The following NNT variants were observed in gnomAD, a reference collection of about 807,000 sequenced individuals.
NNT encodes the protein nicotinamide nucleotide transhydrogenase, also known as NAD(P) transhydrogenase, mitochondrial.
A neutral mutation model predicts 104.8 loss-of-function variants in NNT; 50 were observed. The observed-to-expected ratio is 0.48, with a 90% CI of 0.38 to 0.60. The LOEUF (loss-of-function observed/expected upper bound fraction) is 0.60, where lower values mean the gene tolerates loss of function less well. Ranked by LOEUF, NNT falls within the 20% of genes least tolerant of loss-of-function variation. NNT has a pLI of 0.00. For missense variants in NNT, 1,131 were observed against 1,330.7 expected (o/e 0.85, Z 2.33); for synonymous variants, 461 against 490.4 (o/e 0.94, Z 0.79).
In NNT at chr5:43,630,576, T is replaced by C. The variant is rs559768541; in HGVS notation, c.964+2189T>C. 3.9e-5 allele frequency among the ~76,000 whole-genome samples: 6 copies of C among 152,328 alleles called. No individual in the cohort carries two copies. The East Asian group carries it at 9.7e-4, about 25-fold the overall frequency. ...AGCCAAATTGTGAGCTTTTTGATGG[T>C]AGGAATTACTTTCTAGTCCCTTTAC... On this transcript the variant is annotated intron_variant, in intron 7 of 21. Coordinates refer to ENST00000344920, the MANE Select transcript of NNT (RefSeq NM_182977.3).
chr5:43,692,939 G>A (rs1234355219), intron 19 of NNT, among the ~76,000 whole-genome samples: 6 of 151,870 alleles, frequency 4.0e-5, no homozygotes, highest in Non-Finnish European at 7.4e-5. Context: ...ATTTTGCTTT[G>A]TTTGCATCCT....
At chr5:43,636,599 C>A (rs556534592) in intron 7 of NNT, among the ~76,000 whole-genome samples, 2 of 152,068 alleles carry the variant, frequency 1.3e-5, no homozygotes, top group Non-Finnish European at 2.9e-5. Flanking sequence ...CATCAGAATG[C>A]GTAATACAAT....
chr5:43,668,963 T>C (rs1740878567), intron 17 of NNT, among the ~76,000 whole-genome samples: 1 of 152,208 alleles, frequency 6.6e-6, no homozygotes, highest in Admixed American at 6.5e-5. Flanking sequence ...CGTTGAGCAC[T>C]GGTTTGTAGT....
rs552183610 is a variant in NNT, at chr5:43,689,458, A to G, written c.2877-10661A>G. ...TTGCCTTTGGGTTTTTGGTCATGAA[A>G]TCCTCACCTAAGCCAATGTCTAGAA... On this transcript the variant is annotated intron_variant, in intron 19 of 21. Transcript: ENST00000344920. Among the ~76,000 whole-genome samples the G allele has an allele frequency of 1.4e-4, 22 of 152,284 alleles. No individual in the cohort carries two copies. In the South Asian group the frequency reaches 3.7e-3, roughly 26 times the overall value.
chr5:43,624,277 A>G (rs1750249536), intron 6 of NNT, among the ~76,000 whole-genome samples, 157 bp downstream of exon 6: 1 of 152,242 alleles, frequency 6.6e-6, no homozygotes, highest in Non-Finnish European at 1.5e-5. Context: ...AAGTTAATGC[A>G]AAGTGAAAAT....
At chr5:43,668,185 A>G (rs1239308856) in intron 17 of NNT, among the ~76,000 whole-genome samples, 1 of 149,838 alleles carries the variant, frequency 6.7e-6, no homozygotes, top group African/African-American at 2.4e-5. Context: ...CCTTTGTCAG[A>G]TGAGTAGATT....
rs560331172 is a variant in NNT, at chr5:43,626,656, A to G, written c.777-1544A>G. On this transcript the variant is annotated intron_variant, in intron 6 of 21. Coordinates refer to ENST00000344920, the MANE Select transcript of NNT (RefSeq NM_182977.3). ...TTGAAAAATAGAGAGAAACATAAGG[A>G]TGAAAGTGAAAATACCTTTTATTAT... 2.6e-5 allele frequency among the ~76,000 whole-genome samples: 4 copies of G among 152,060 alleles called. No homozygotes were observed. In the East Asian group the frequency reaches 7.7e-4, roughly 29 times the overall value.
chr5:43,617,002 A>G (rs1049859252), intron 4 of NNT, among the ~76,000 whole-genome samples: 4 of 152,246 alleles, frequency 2.6e-5, no homozygotes, highest in African/African-American at 9.6e-5. Flanking sequence ...AAAGCCTTCT[A>G]TAGCCTGACA....
intron 19 of NNT, among the ~76,000 whole-genome samples, chr5:43,694,077 A>G (rs1033642323): frequency 2.6e-5 from 4 of 152,150 alleles, no homozygotes; most frequent in African/African-American, 9.7e-5. Context: ...ATTTGGCTAG[A>G]GTTGGCTATT....
In NNT at chr5:43,634,811, A is replaced by T. The variant is rs899538146; in HGVS notation, c.964+6424A>T. Among the ~76,000 whole-genome samples, 6 of 152,292 alleles carry T rather than the reference A, an allele frequency of 3.9e-5. No individual in the cohort carries two copies. In the East Asian group the frequency reaches 9.6e-4, roughly 24 times the overall value. On this transcript the variant is annotated intron_variant, in intron 7 of 21. Coordinates refer to ENST00000344920, the MANE Select transcript of NNT (RefSeq NM_182977.3). ...ACTGTGAAGTTTTCCATTGCTATTT[A>T]TCAGTCTTGTTCTTAGGGTGTATTT...
chr5:43,659,743 A>C (rs964142981), intron 17 of NNT, among the ~76,000 whole-genome samples: 1 of 152,122 alleles, frequency 6.6e-6, no homozygotes, highest in Admixed American at 6.6e-5. Flanking sequence ...AAAAAAAAAG[A>C]GTATGGTAGC....
intron 21 of NNT, among the ~76,000 whole-genome samples, chr5:43,703,477 T>C (rs1742962777): frequency 6.6e-6 from 1 of 152,232 alleles, no homozygotes; most frequent in African/African-American, 2.4e-5. Flanking sequence ...AAAAATTGTG[T>C]CAGTAGTCAA....
chr5:43,619,004 T>G (rs780177679), intron 4 of NNT, 28 bp from the exon 5 acceptor site: 1 of 1,250,320 alleles, frequency 8.0e-7, no homozygotes, highest in Non-Finnish European at 1.1e-6. Flanking sequence ...ATGGAATTAT[T>G]TATTTATTTA....
intron 7 of NNT, among the ~76,000 whole-genome samples, chr5:43,636,536 T>A (rs1049864731): frequency 1.3e-5 from 2 of 152,194 alleles, no homozygotes; most frequent in Non-Finnish European, 2.9e-5. Context: ...TAAGCAGTAC[T>A]GTTTCTATTT....
In NNT at chr5:43,704,291, G is replaced by A. The variant is rs1743004175; in HGVS notation, c.3148G>A (p.Ala1050Thr). 2 of 1,602,494 alleles carry A rather than the reference G, an allele frequency of 1.2e-6. No homozygotes were observed. The highest frequency in any genetic ancestry group is 1.7e-5 in the Admixed American group (1 of 57,706). Residue 1050 changes from alanine to threonine, a missense_variant, in exon 22 of 22, where the codon GCT becomes ACT. Physicochemically the swap from Ala to Thr is moderately conservative, Grantham distance 58 (BLOSUM62 0). Transcript: ENST00000344920. Reference protein sequence around the residue: ...VMKRSLGVGYAAVDNPIFYKP... With the variant: ...VMKRSLGVGYTAVDNPIFYKP... ...GAAGAGGTCTTTGGGTGTTGGCTATGCTGCAGTGGACAATCCAATCTTCTA... is the reference window on the plus strand; with the variant it reads ...GAAGAGGTCTTTGGGTGTTGGCTATACTGCAGTGGACAATCCAATCTTCTA...
chr5:43,607,155 C>T (rs1749267922), intron 1 of NNT, among the ~76,000 whole-genome samples: 1 of 151,934 alleles, frequency 6.6e-6, no homozygotes, highest in East Asian at 1.9e-4. Context: ...AGGTGCGCAC[C>T]ATCACTCCTG....
At chr5:43,629,154 C>A (rs34784550) in intron 7 of NNT, among the ~76,000 whole-genome samples, 5,137 of 152,072 alleles carry the variant, frequency 0.034, 135 homozygotes, top group East Asian at 0.12. Context: ...TCCCTCACCC[C>A]CCCTCCCACT....
chr5:43,653,446 A>G (rs1739871104), intron 14 of NNT: 1 of 446,342 alleles, frequency 2.2e-6, no homozygotes, highest in Non-Finnish European at 4.0e-6. Context: ...ATCTTCCTTT[A>G]CTGACTGTGT....
chr5:43,613,276 A>G (rs1749598304), intron 3 of NNT, 139 bp downstream of exon 3: 3 of 642,428 alleles, frequency 4.7e-6, no homozygotes, highest in Middle Eastern at 4.3e-4. Flanking sequence ...AAATGACTGC[A>G]TGTCGTCATA....
Sources: allele counts gnomAD v4.1 joint callset (sites outside exome capture counted in the v4.1 genomes callset), GRCh38; gene constraint gnomAD v4.1.1; transcripts MANE v1.5; gene names NCBI Gene and HGNC (gene_info 2026-07-23, HGNC 2026-07-21).